The following ABTB3 variants were observed in gnomAD, a reference collection of about 807,000 sequenced individuals.
ABTB3 encodes the protein ankyrin repeat and BTB domain containing 3.
At chr12:107,448,280 T>C in the ABTB3 span, among the ~76,000 whole-genome samples, 1 of 152,174 alleles carries the variant, frequency 6.6e-6, no homozygotes, top group African/African-American at 2.4e-5. Flanking sequence ...TTAAGGTGTG[T>C]AATTATGGTG....
At chr12:107,586,964 G>A in the ABTB3 span, among the ~76,000 whole-genome samples, 1 of 152,218 alleles carries the variant, frequency 6.6e-6, no homozygotes, top group Non-Finnish European at 1.5e-5. Context: ...GGTGGAGAAG[G>A]TGAAAATGGG....
At chr12:107,569,590 G>A in the ABTB3 span, among the ~76,000 whole-genome samples, 1 of 152,190 alleles carries the variant, frequency 6.6e-6, no homozygotes, top group South Asian at 2.1e-4. Context: ...GTGTTTAGAT[G>A]ATAACTGTTA....
the ABTB3 span, among the ~76,000 whole-genome samples, chr12:107,512,076 A>G: frequency 6.6e-6 from 1 of 152,192 alleles, no homozygotes; most frequent in Non-Finnish European, 1.5e-5. Context: ...AGGAAAACTA[A>G]CTCCATACTT....
At chr12:107,653,120 G>C in the ABTB3 span, among the ~76,000 whole-genome samples, 1 of 152,092 alleles carries the variant, frequency 6.6e-6, no homozygotes, top group Admixed American at 6.5e-5. Flanking sequence ...AAAATTTTCC[G>C]TTTGGTATAA....
the ABTB3 span, among the ~76,000 whole-genome samples, chr12:107,504,648 A>G: frequency 1.3e-5 from 2 of 152,316 alleles, no homozygotes; most frequent in East Asian, 3.9e-4. Flanking sequence ...AGGGACTTTC[A>G]TTATGAATAT....
chr12:107,628,033 G>A, the ABTB3 span, among the ~76,000 whole-genome samples: 25 of 152,284 alleles, frequency 1.6e-4, no homozygotes, highest in East Asian at 4.3e-3. Flanking sequence ...TCCTTCTGGG[G>A]CCGGTAGCCC....
chr12:107,382,280 G>C, the ABTB3 span, among the ~76,000 whole-genome samples: 1 of 152,166 alleles, frequency 6.6e-6, no homozygotes, highest in Non-Finnish European at 1.5e-5. Flanking sequence ...GGGCCCAGGG[G>C]AGGGAGGCTT....
chr12:107,514,936 TTCCTC>T, the ABTB3 span, among the ~76,000 whole-genome samples: 4 of 152,204 alleles, frequency 2.6e-5, no homozygotes, highest in Admixed American at 2.6e-4. Flanking sequence ...TTAACTGACT[TTCCTC>T]TCAGTTAACA....
the ABTB3 span, among the ~76,000 whole-genome samples, chr12:107,566,370 C>T: frequency 6.6e-6 from 1 of 152,036 alleles, no homozygotes; most frequent in African/African-American, 2.4e-5. Context: ...TTTGGTGCAA[C>T]CTGAGACAAA....
the ABTB3 span, among the ~76,000 whole-genome samples, chr12:107,353,972 G>C: frequency 6.6e-6 from 1 of 152,024 alleles, no homozygotes; most frequent in Non-Finnish European, 1.5e-5. Context: ...TGCTCTAGTA[G>C]ACCAGTAGAA....
chr12:107,367,509 G>A, the ABTB3 span, among the ~76,000 whole-genome samples: 4 of 151,632 alleles, frequency 2.6e-5, no homozygotes, highest in Admixed American at 6.6e-5. Context: ...TTATTTTTAT[G>A]TATTTATTTA....
At chr12:107,581,106 C>G in the ABTB3 span, 9 of 1,521,244 alleles carry the variant, frequency 5.9e-6, no homozygotes, top group East Asian at 1.6e-4. Flanking sequence ...CCCCTGCCTC[C>G]GGGGAGGCCC....
At chr12:107,488,328 T>C in the ABTB3 span, among the ~76,000 whole-genome samples, 3 of 152,200 alleles carry the variant, frequency 2.0e-5, no homozygotes, top group Non-Finnish European at 2.9e-5. Flanking sequence ...TCAAGCAGTA[T>C]ACTTTAAATG....
At chr12:107,607,623 G>T in the ABTB3 span, among the ~76,000 whole-genome samples, 3 of 152,170 alleles carry the variant, frequency 2.0e-5, no homozygotes, top group East Asian at 1.9e-4. Flanking sequence ...CAGGTGTGCA[G>T]ATCAGACCCC....
chr12:107,423,737 T>C, the ABTB3 span, among the ~76,000 whole-genome samples: 70 of 152,324 alleles, frequency 4.6e-4, 1 homozygote, highest in Middle Eastern at 0.024. Context: ...GACAAGCTGA[T>C]ACCACTCCAG....
the ABTB3 span, among the ~76,000 whole-genome samples, chr12:107,406,503 G>A: frequency 9.2e-5 from 14 of 151,656 alleles, no homozygotes; most frequent in African/African-American, 2.2e-4. Flanking sequence ...CCCAGGACTC[G>A]GAGTCTGGTT....
the ABTB3 span, among the ~76,000 whole-genome samples, chr12:107,654,309 GT>G: frequency 1.3e-5 from 2 of 151,938 alleles, no homozygotes; most frequent in Admixed American, 1.3e-4. Context: ...GTTTTTGTTT[GT>G]TTGTTTGTTT....
the ABTB3 span, among the ~76,000 whole-genome samples, chr12:107,400,586 G>A: frequency 6.6e-6 from 1 of 152,154 alleles, no homozygotes; most frequent in South Asian, 2.1e-4. Context: ...AATGGGAATT[G>A]TAATAGGATC....
the ABTB3 span, among the ~76,000 whole-genome samples, chr12:107,422,319 G>A: frequency 2.0e-5 from 3 of 152,162 alleles, no homozygotes; most frequent in South Asian, 4.1e-4. Context: ...GGGTCAGAGA[G>A]GGAGATGGGC....
Sources: allele counts gnomAD v4.1 joint callset (sites outside exome capture counted in the v4.1 genomes callset), GRCh38; gene constraint gnomAD v4.1.1; transcripts MANE v1.5; gene names NCBI Gene and HGNC (gene_info 2026-07-23, HGNC 2026-07-21).